The following LARS2 variants were observed in gnomAD, a reference collection of about 807,000 sequenced individuals.
LARS2 encodes the protein leucyl-tRNA synthetase 2, mitochondrial.
LARS2 carries 81 observed loss-of-function variants against 116.6 expected under a neutral mutation model. That is an observed-to-expected ratio of 0.69 (90% CI 0.58 to 0.84). LARS2 has a LOEUF of 0.84. LARS2 is among the 40% of genes least tolerant of loss of function. The pLI is 0.00. For synonymous variants in LARS2, 396 were observed against 407.2 expected (o/e 0.97, Z 0.33); for missense variants, 968 against 1,114.5 (o/e 0.87, Z 1.87).
At chr3:45,455,273 C>CGGGCGCGGTGGCTCACGCCTG (rs1553632003) in intron 7 of LARS2, among the ~76,000 whole-genome samples, 4 of 152,088 alleles carry the variant, frequency 2.6e-5, no homozygotes, top group Admixed American at 6.5e-5. Flanking sequence ...AAATACAGTC[C>CGGGCGCGGTGGCTCACGCCTG]TATTTGTTCT....
intron 19 of LARS2, 29 bp downstream of exon 19, chr3:45,520,325 G>T (rs1255621982): frequency 1.3e-6 from 2 of 1,569,108 alleles, no homozygotes; most frequent in African/African-American, 2.7e-5. Flanking sequence ...TTTGCTGGTA[G>T]CAGAGGAGGG....
intron 4 of LARS2, among the ~76,000 whole-genome samples, chr3:45,404,904 A>G (rs1051080324): frequency 4.6e-5 from 7 of 152,108 alleles, no homozygotes; most frequent in Non-Finnish European, 1.0e-4. Context: ...GCTATTTTTC[A>G]AAGCCCATTT....
At chr3:45,520,137 T>C (rs1018597199) in intron 18 of LARS2, 82 bp from the exon 19 acceptor site, 6 of 944,650 alleles carry the variant, frequency 6.4e-6, no homozygotes, top group Non-Finnish European at 1.0e-5. Flanking sequence ...TTTTCCTTTT[T>C]TTTTGTTTTG....
At chr3:45,436,877 AT>A (rs542316327) in intron 6 of LARS2, among the ~76,000 whole-genome samples, 601 of 152,224 alleles carry the variant, frequency 3.9e-3, no homozygotes, top group South Asian at 8.5e-3. Context: ...GCAAAGAGCA[AT>A]TTCCAAGAAA....
At chr3:45,480,503 A>G (rs1270938931) in intron 10 of LARS2, among the ~76,000 whole-genome samples, 3 of 152,232 alleles carry the variant, frequency 2.0e-5, no homozygotes, top group South Asian at 2.1e-4. Flanking sequence ...TGTAATTACT[A>G]AAGTGTTTTG....
At chr3:45,460,558 G>C (rs1201006623) in intron 8 of LARS2, among the ~76,000 whole-genome samples, 1 of 152,172 alleles carries the variant, frequency 6.6e-6, no homozygotes, top group African/African-American at 2.4e-5. Flanking sequence ...TAGTTACCAT[G>C]GTGACTCACC....
intron 20 of LARS2, among the ~76,000 whole-genome samples, chr3:45,526,013 G>T: frequency 6.6e-6 from 1 of 152,172 alleles, no homozygotes; most frequent in East Asian, 1.9e-4. Context: ...AGGAGGAGGA[G>T]AAGGCAATTA....
At chr3:45,392,706 A>G (rs936033690) in intron 2 of LARS2, among the ~76,000 whole-genome samples, 1 of 152,176 alleles carries the variant, frequency 6.6e-6, no homozygotes, top group East Asian at 1.9e-4. Context: ...ACCAACTTGT[A>G]AGATGCCCAC....
intron 8 of LARS2, among the ~76,000 whole-genome samples, chr3:45,468,910 A>G (rs989813899): frequency 1.3e-5 from 2 of 152,166 alleles, no homozygotes; most frequent in African/African-American, 4.8e-5. Context: ...GACACCATTT[A>G]CATGTATAGG....
rs1559500395 is a variant in LARS2 at position 45,535,768 on chromosome 3, C to CACACA, written c.2405-6061_2405-6060insACACA. Among the ~76,000 whole-genome samples, 607 of 33,820 alleles carry CACACA rather than the reference C, an allele frequency of 0.018. 12 individuals are homozygous for CACACA. In the South Asian group the frequency reaches 0.29, roughly 16 times the overall value. 22.2% of individuals were successfully genotyped at this position (33,820 alleles called of 152,430 possible). A position where few individuals can be genotyped will look rare whatever the true frequency, so the allele number is the denominator to read the frequency against. On this transcript the variant is annotated intron_variant, in intron 20 of 21. Coordinates refer to ENST00000645846, the MANE Select transcript of LARS2 (RefSeq NM_015340.4). ...GTTACACACACACACACACACACAC[C>CACACA]CCCACACCCACATACACACACATTA... is the stretch of plus-strand genomic sequence containing the variant.
rs1051940333 is a variant in LARS2 at position 45,431,506 on chromosome 3, T to C, written c.516+11777T>C. On this transcript the variant is annotated intron_variant, in intron 6 of 21. Coordinates refer to ENST00000645846, the MANE Select transcript of LARS2 (RefSeq NM_015340.4). ...TACACAGTGTATAAAGATGTAATTA[T>C]ATGACATCAATAACTGAAAAGATTA... Among the ~76,000 whole-genome samples, 19 of 152,336 alleles carry C rather than the reference T, an allele frequency of 1.2e-4. No individual in the cohort carries two copies. The South Asian group carries it at 3.9e-3, about 32-fold the overall frequency.
intron 1 of LARS2, among the ~76,000 whole-genome samples, chr3:45,391,358 G>T (rs1467261122): frequency 6.6e-5 from 10 of 151,684 alleles, no homozygotes; most frequent in Admixed American, 6.6e-4. Context: ...GGTGGCGGGC[G>T]CCTGTAATCC....
intron 15 of LARS2, chr3:45,507,091 C>A (rs1230172797): frequency 2.0e-5 from 3 of 152,008 alleles, no homozygotes; most frequent in Non-Finnish European, 4.4e-5. Context: ...AAATAATAAA[C>A]ATCTTACACT....
At chr3:45,419,239 G>A (rs1698478451) in intron 5 of LARS2, among the ~76,000 whole-genome samples, 1 of 152,218 alleles carries the variant, frequency 6.6e-6, no homozygotes, top group Non-Finnish European at 1.5e-5. Flanking sequence ...AAAGCAGTGT[G>A]TGGTTTCTTT....
chr3:45,435,734 A>C (rs34394405), intron 6 of LARS2, among the ~76,000 whole-genome samples: 70,324 of 151,834 alleles, frequency 0.46, 19,225 homozygotes, highest in East Asian at 0.7. Flanking sequence ...CTTACCGGGC[A>C]TTTAAAAAGT....
intron 2 of LARS2, among the ~76,000 whole-genome samples, chr3:45,392,251 T>C (rs1480090278): frequency 2.0e-5 from 3 of 152,166 alleles, no homozygotes; most frequent in Non-Finnish European, 4.4e-5. Flanking sequence ...TAATCAGATC[T>C]GTGTACTTTA....
At chr3:45,411,924 T>C (rs9875525) in intron 4 of LARS2, among the ~76,000 whole-genome samples, 4,276 of 152,280 alleles carry the variant, frequency 0.028, 200 homozygotes, top group African/African-American at 0.096. Context: ...CTCCCACTTA[T>C]AAGTGAGAAC....
At position 45,446,956 on chromosome 3, in the gene LARS2, G is replaced by A. The variant is rs537797830; in HGVS notation, c.582G>A (p.Glu194=). The A allele has an allele frequency of 6.2e-7, 1 of 1,606,852 alleles. No homozygotes were observed. Among genetic ancestry groups the A allele is most frequent in the East Asian group, 2.2e-5 (1 of 44,784 alleles). ...AGTATCTCTTTATTAAACTGTATGA[G>A]GCTGGGCTGGCCTATCAAAAGGAGG... is the stretch of plus-strand genomic sequence containing the variant. ...WTQYLFIKLY[E]AGLAYQKEAL... The change falls in exon 7 of 22, where the codon GAG becomes GAA. Residue 194 remains glutamate, a synonymous_variant. Coordinates refer to ENST00000645846, the MANE Select transcript of LARS2 (RefSeq NM_015340.4).
At chr3:45,444,131 A>G (rs1408521813) in intron 6 of LARS2, among the ~76,000 whole-genome samples, 1 of 149,392 alleles carries the variant, frequency 6.7e-6, no homozygotes, top group Non-Finnish European at 1.5e-5. Context: ...CAGCCTCCCA[A>G]GTAGCTGGGA....
Sources: gnomAD v4.1 joint callset for allele counts (sites outside exome capture counted in the v4.1 genomes callset) on GRCh38, gnomAD v4.1.1 for gene constraint, MANE v1.5 for transcripts, NCBI Gene and HGNC (gene_info 2026-07-23, HGNC 2026-07-21) for gene names.